The following WWC1 variants were observed in gnomAD, a reference collection of about 807,000 sequenced individuals.
WWC1 encodes the protein protein KIBRA.
In WWC1, 55 loss-of-function variants were observed where a neutral mutation model predicts 138.4. The observed-to-expected ratio is 0.40, with a 90% CI of 0.32 to 0.50. The LOEUF is 0.50. Among genes scored for constraint, WWC1 ranks in the 20% least tolerant of loss-of-function variants. The probability of loss-of-function intolerance (pLI) is 0.72; values close to 1 mark genes in which losing one functional copy is unlikely to be tolerated. For synonymous variants in WWC1, 524 were observed against 564.9 expected, an observed-to-expected ratio of 0.93 and a Z score of 1.03; for missense variants, 1,226 against 1,420.4, an observed-to-expected ratio of 0.86 and a Z score of 2.20.
At chr5:168,339,126 A>G (rs1223534505) in intron 1 of WWC1, among the ~76,000 whole-genome samples, 1 of 152,212 alleles carries the variant, frequency 6.6e-6, no homozygotes, top group Non-Finnish European at 1.5e-5. Flanking sequence ...GAAAAAGAAA[A>G]TGATGAGGTG....
chr5:168,387,178 T>C (rs1286929496), intron 3 of WWC1, among the ~76,000 whole-genome samples: 2 of 152,220 alleles, frequency 1.3e-5, no homozygotes, highest in Non-Finnish European at 2.9e-5. Context: ...AAATCCATTC[T>C]GTTGTCCCCA....
At chr5:168,359,408 G>A (rs569666262) in intron 1 of WWC1, among the ~76,000 whole-genome samples, 3 of 152,220 alleles carry the variant, frequency 2.0e-5, no homozygotes, top group South Asian at 4.1e-4. Flanking sequence ...CTTCATTACT[G>A]CATATTTTAA....
At chr5:168,429,881 G>T (rs1304979424) in intron 13 of WWC1, among the ~76,000 whole-genome samples, 1 of 152,126 alleles carries the variant, frequency 6.6e-6, no homozygotes, top group African/African-American at 2.4e-5. Context: ...GCTACCATGA[G>T]CCCCGATCAT....
At chr5:168,345,986 G>C (rs1774437264) in intron 1 of WWC1, among the ~76,000 whole-genome samples, 1 of 152,010 alleles carries the variant, frequency 6.6e-6, no homozygotes, top group Non-Finnish European at 1.5e-5. Context: ...CGAGCCTGCG[G>C]GGACCCTGTG....
At chr5:168,297,973 A>C (rs1328983944) in intron 1 of WWC1, among the ~76,000 whole-genome samples, 1 of 152,156 alleles carries the variant, frequency 6.6e-6, no homozygotes, top group Non-Finnish European at 1.5e-5. Flanking sequence ...CTATTTTTAT[A>C]ATCAATTAAA....
intron 1 of WWC1, among the ~76,000 whole-genome samples, chr5:168,300,421 G>A (rs1769955958): frequency 6.6e-6 from 1 of 151,806 alleles, no homozygotes; most frequent in Admixed American, 6.6e-5. Context: ...AGTGTGGTGG[G>A]TCACATGCCC....
chr5:168,339,458 A>G (rs1350915346), intron 1 of WWC1, among the ~76,000 whole-genome samples: 2 of 152,144 alleles, frequency 1.3e-5, no homozygotes, highest in Admixed American at 1.3e-4. Context: ...ACTTCAAATC[A>G]AGGGATCTCT....
Position 168,384,958 on chromosome 5 carries a change from T to A in WWC1, c.230-253T>A, listed in dbSNP as rs532507718. On this transcript the variant is annotated intron_variant, in intron 2 of 22. Transcript: ENST00000265293. ...TCTCAAGCTCCTTGACCTCAAGTGA[T>A]CCACCTGCCTCAGCCTCCCAATGTG... Among the ~76,000 whole-genome samples, 5 of 152,302 alleles carry A rather than the reference T, an allele frequency of 3.3e-5. No individual in the cohort carries two copies. In the East Asian group the frequency reaches 9.6e-4, roughly 29 times the overall value.
At chr5:168,393,575 T>G (rs1183068700) in intron 3 of WWC1, among the ~76,000 whole-genome samples, 1 of 152,104 alleles carries the variant, frequency 6.6e-6, no homozygotes. Flanking sequence ...CGTGTGAGAT[T>G]TTAGAAAGCT....
At chr5:168,403,000 GTTTCTT>G (rs1309504313) in intron 5 of WWC1, among the ~76,000 whole-genome samples, 3 of 137,844 alleles carry the variant, frequency 2.2e-5, no homozygotes, top group South Asian at 4.9e-4. Context: ...AAGCTCTGTT[GTTTCTT>G]TTTCTTTCTT....
chr5:168,297,114 C>T lies in WWC1; in HGVS notation c.119+4843C>T, dbSNP rs143235628. Among the ~76,000 whole-genome samples, 82 of 152,330 alleles carry T rather than the reference C, an allele frequency of 5.4e-4. 1 individual carries two copies. The Middle Eastern group carries it at 0.01, about 19-fold the overall frequency. On this transcript the variant is annotated intron_variant, in intron 1 of 22. Coordinates refer to ENST00000265293, the MANE Select transcript of WWC1 (RefSeq NM_015238.3). ...AATGAATGGAAAGATGTCCATCAAC[C>T]ATCAAGGGTAGTTATGGGTGATAAG...
At chr5:168,312,374 GA>G in intron 1 of WWC1, among the ~76,000 whole-genome samples, 1 of 152,328 alleles carries the variant, frequency 6.6e-6, no homozygotes, top group African/African-American at 2.4e-5. Flanking sequence ...GGCACAGGGG[GA>G]TTGAGTAATT....
At chr5:168,342,186 C>T (rs892188866) in intron 1 of WWC1, among the ~76,000 whole-genome samples, 5 of 152,222 alleles carry the variant, frequency 3.3e-5, no homozygotes, top group Non-Finnish European at 7.3e-5. Flanking sequence ...GTATTTGACA[C>T]AGCTCACCTC....
intron 1 of WWC1, among the ~76,000 whole-genome samples, chr5:168,312,368 CAG>C (rs778283094): frequency 6.6e-6 from 1 of 152,280 alleles, no homozygotes; most frequent in Non-Finnish European, 1.5e-5. Context: ...CGTGGCGGCA[CAG>C]GGGGATTGAG....
rs1756223122 is a variant in WWC1, at chr5:168,455,402, T to C, written c.2705T>C (p.Val902Ala). 1 of 1,608,688 alleles carries C rather than the reference T, an allele frequency of 6.2e-7. No homozygotes were observed. The highest frequency in any genetic ancestry group is 1.3e-5 in the African/African-American group (1 of 74,648). Residue 902 changes from valine to alanine, a missense_variant, in exon 19 of 23, where the codon GTG becomes GCG. Transcript: ENST00000265293. The part of the protein sequence containing the change: ...NTETPAPSPT[V>A]VRPKDRRVGT... ...GAGACCCCGGCCCCATCCCCCACAG[T>C]GGTGCGACCTAAGGACCGGAGAGTG...
intron 1 of WWC1, among the ~76,000 whole-genome samples, chr5:168,343,942 A>G (rs1269696833): frequency 6.6e-6 from 1 of 151,818 alleles, no homozygotes; most frequent in Non-Finnish European, 1.5e-5. Flanking sequence ...CACTGATGAC[A>G]TTTCTTAATA....
chr5:168,440,795 G>A (rs4976551), intron 15 of WWC1, among the ~76,000 whole-genome samples: 1 of 151,994 alleles, frequency 6.6e-6, no homozygotes, highest in African/African-American at 2.4e-5. Flanking sequence ...GGGATTACAG[G>A]CGTGAGCCAC....
At chr5:168,444,438 C>A in intron 16 of WWC1, 56 bp from the exon 17 acceptor site, 1 of 1,491,332 alleles carries the variant, frequency 6.7e-7, no homozygotes, top group Non-Finnish European at 9.1e-7. Context: ...TGATTCCTGG[C>A]AGGTAGGGTG....
At chr5:168,418,189 C>G (rs1338101123) in intron 9 of WWC1, among the ~76,000 whole-genome samples, 1 of 152,190 alleles carries the variant, frequency 6.6e-6, no homozygotes, top group Non-Finnish European at 1.5e-5. Context: ...GAGAGGCCGA[C>G]TGCAGGACCT....
Sources: allele counts gnomAD v4.1 joint callset (sites outside exome capture counted in the v4.1 genomes callset), GRCh38; gene constraint gnomAD v4.1.1; transcripts MANE v1.5; gene names NCBI Gene and HGNC (gene_info 2026-07-23, HGNC 2026-07-21).